The following DPP8 variants were observed in gnomAD, a reference collection of about 807,000 sequenced individuals.
DPP8 encodes dipeptidyl peptidase 8, also known as DPP VIII.
Under a neutral mutation model 107.5 loss-of-function variants are expected in DPP8, and 31 were observed. That is an observed-to-expected ratio of 0.29 (90% CI 0.22 to 0.39). The LOEUF is 0.39. Among genes scored for constraint, DPP8 ranks in the 10% least tolerant of loss-of-function variants. DPP8 has a pLI of 1.00. For missense variants in DPP8, 842 were observed against 1,076.1 expected (o/e 0.78, Z 3.04); for synonymous variants, 381 against 356.6 (o/e 1.07, Z -0.77).
chr15:65,501,857 C>CA (rs1567272323), intron 3 of DPP8, among the ~76,000 whole-genome samples: 1 of 152,032 alleles, frequency 6.6e-6, no homozygotes, highest in African/African-American at 2.4e-5. Context: ...TCTCAGCTAG[C>CA]AAAGTTTTCC....
chr15:65,485,469 G>C (rs999027873), intron 7 of DPP8, among the ~76,000 whole-genome samples: 2 of 149,366 alleles, frequency 1.3e-5, no homozygotes, highest in African/African-American at 2.5e-5. Context: ...ACTTGAACCT[G>C]GGAGGTGGAG....
chr15:65,499,097 G>GTA (rs2068908190), intron 4 of DPP8, among the ~76,000 whole-genome samples: 1 of 135,372 alleles, frequency 7.4e-6, no homozygotes. Context: ...GTGTGTGTGT[G>GTA]TGTGTGTGTA....
intron 5 of DPP8, among the ~76,000 whole-genome samples, chr15:65,493,161 G>A (rs527321639): frequency 5.9e-5 from 9 of 151,762 alleles, no homozygotes; most frequent in East Asian, 1.9e-4. Flanking sequence ...TCAGCTCACC[G>A]CAACCTCCAC....
chr15:65,485,526 A>G (rs1163318949), intron 7 of DPP8, among the ~76,000 whole-genome samples: 1 of 147,652 alleles, frequency 6.8e-6, no homozygotes, highest in East Asian at 2.0e-4. Context: ...CCTCGGTAAC[A>G]AGAGCGAGAC....
At chr15:65,451,711 G>T (rs1424542099) in intron 18 of DPP8, among the ~76,000 whole-genome samples, 1 of 152,012 alleles carries the variant, frequency 6.6e-6, no homozygotes, top group African/African-American at 2.4e-5. Context: ...GATAACTTGA[G>T]TTCAGGAGTT....
intron 15 of DPP8, among the ~76,000 whole-genome samples, chr15:65,458,150 G>C (rs1369946831): frequency 6.6e-6 from 1 of 152,188 alleles, no homozygotes; most frequent in African/African-American, 2.4e-5. Context: ...GTCTCCTTCA[G>C]TATCAATTCT....
intron 2 of DPP8, among the ~76,000 whole-genome samples, chr15:65,511,364 CCATT>C (rs964862530): frequency 1.1e-4 from 16 of 151,660 alleles, no homozygotes; most frequent in African/African-American, 3.9e-4. Flanking sequence ...CAGCGTGTGA[CCATT>C]ATTAGAGGTC....
At chr15:65,447,153 G>C (rs1327749560) in intron 19 of DPP8, 147 bp from the exon 20 acceptor site, 2 of 519,554 alleles carry the variant, frequency 3.8e-6, no homozygotes, top group Admixed American at 3.7e-5. Context: ...CTATCTAAAC[G>C]CTCCTCTCTT....
intron 8 of DPP8, 109 bp downstream of exon 8, chr15:65,484,990 C>CTCAGCAAGT (rs977488633): frequency 1.2e-6 from 1 of 842,968 alleles, no homozygotes; most frequent in Non-Finnish European, 2.0e-6. Context: ...CCACCGATAT[C>CTCAGCAAGT]TCAGCAAGTT....
At chr15:65,482,365 T>TCTGCCTCC (rs768190891) in intron 8 of DPP8, among the ~76,000 whole-genome samples, 271 of 151,504 alleles carry the variant, frequency 1.8e-3, no homozygotes, top group Non-Finnish European at 3.3e-3. Context: ...AACTGCAACC[T>TCTGCCTCC]CTGCCTCCCG....
intron 1 of DPP8, chr15:65,517,254 C>G (rs922053575): frequency 2.0e-5 from 3 of 152,268 alleles, no homozygotes; most frequent in Non-Finnish European, 4.4e-5. Context: ...GCCCAGTGAA[C>G]GGTGGTTGAC....
At chr15:65,503,339 C>T (rs1386289226) in intron 3 of DPP8, among the ~76,000 whole-genome samples, 1 of 152,198 alleles carries the variant, frequency 6.6e-6, no homozygotes, top group Non-Finnish European at 1.5e-5. Flanking sequence ...CTCCTGATCT[C>T]AGGTGATCCA....
intron 19 of DPP8, among the ~76,000 whole-genome samples, chr15:65,448,843 T>C (rs2063699150): frequency 8.2e-6 from 1 of 121,540 alleles, no homozygotes; most frequent in South Asian, 2.4e-4. Flanking sequence ...ATATAATATA[T>C]AAAATATACA....
intron 11 of DPP8, 109 bp downstream of exon 11, chr15:65,478,771 C>G: frequency 1.4e-6 from 1 of 725,980 alleles, no homozygotes; most frequent in Non-Finnish European, 2.2e-6. Context: ...TTAAGTTTAA[C>G]AAAGCAAGTA....
rs559305250 is a variant in DPP8, at chr15:65,483,124, A to C, written c.1018-1509T>G. Among the ~76,000 whole-genome samples, 11 of 152,064 alleles carry C rather than the reference A, an allele frequency of 7.2e-5. No homozygotes were observed. In the South Asian group the frequency reaches 2.3e-3, roughly 32 times the overall value. On this transcript the variant is annotated intron_variant, in intron 8 of 19. Coordinates refer to ENST00000300141, the MANE Select transcript of DPP8 (RefSeq NM_130434.5). Reference sequence around the variant, plus strand: ...AAAAATAAATAAATAAAATAAAAAAACAAAAAAACACAATAGGATGGCTAT... The same window carrying C: ...AAAAATAAATAAATAAAATAAAAAACCAAAAAAACACAATAGGATGGCTAT...
intron 5 of DPP8, among the ~76,000 whole-genome samples, chr15:65,491,295 G>C (rs987121172): frequency 6.6e-6 from 1 of 151,932 alleles, no homozygotes; most frequent in Non-Finnish European, 1.5e-5. Context: ...AAAAAGTGCT[G>C]ATATAAACTG....
chr15:65,494,285 G>A (rs1242034423), intron 5 of DPP8, among the ~76,000 whole-genome samples: 1 of 151,494 alleles, frequency 6.6e-6, no homozygotes, highest in Non-Finnish European at 1.5e-5. Flanking sequence ...GGAGTGCAGT[G>A]GTGCAACAGA....
In DPP8 at chr15:65,443,782, T is replaced by C. The variant is rs1423097375; in HGVS notation, c.*3102A>G. ...TCAGTCCAGTGTAAAAAATCACCTATTATTAATCCAACTCCATTCTCTATA... is the reference window on the plus strand; with the variant it reads ...TCAGTCCAGTGTAAAAAATCACCTACTATTAATCCAACTCCATTCTCTATA... On this transcript the variant is annotated 3_prime_UTR_variant, in exon 20 of 20. Coordinates refer to ENST00000300141, the MANE Select transcript of DPP8 (RefSeq NM_130434.5). The C allele has an allele frequency of 6.6e-6, 1 of 152,206 alleles. No individual in the cohort carries two copies. The highest frequency in any genetic ancestry group is 1.9e-4 in the East Asian group (1 of 5,198). The allele number at this position is 152,206 out of a possible 1,614,324, so 9.4% of individuals were successfully genotyped here. A position where few individuals can be genotyped will look rare whatever the true frequency, so the allele number is the denominator to read the frequency against.
At chr15:65,514,073 G>C (rs1396242186) in intron 1 of DPP8, among the ~76,000 whole-genome samples, 2 of 152,162 alleles carry the variant, frequency 1.3e-5, no homozygotes. Context: ...TAAATTCATA[G>C]TAACTATCAC....
Sources: allele counts gnomAD v4.1 joint callset (sites outside exome capture counted in the v4.1 genomes callset), GRCh38; gene constraint gnomAD v4.1.1; transcripts MANE v1.5; gene names NCBI Gene and HGNC (gene_info 2026-07-23, HGNC 2026-07-21).